Variants in ELOVL6 observed in about 807,000 individuals in gnomAD.
ELOVL6 encodes the protein ELOVL fatty acid elongase 6.
A neutral mutation model predicts 31.7 loss-of-function variants in ELOVL6; 8 were observed. The observed-to-expected ratio is 0.25, with a 90% CI of 0.15 to 0.45. The LOEUF (loss-of-function observed/expected upper bound fraction) is 0.45, where lower values mean the gene tolerates loss of function less well. ELOVL6 is among the 20% of genes least tolerant of loss of function. The pLI is 1.00. For synonymous variants in ELOVL6, 101 were observed against 117.7 expected (o/e 0.86, Z 0.92); for missense variants, 126 against 326.4 (o/e 0.39, Z 4.73).
intron 1 of ELOVL6, among the ~76,000 whole-genome samples, chr4:110,175,154 C>T (rs1223925857): frequency 2.0e-5 from 3 of 151,886 alleles, no homozygotes; most frequent in South Asian, 4.2e-4. Flanking sequence ...GAGGCTGAGG[C>T]GGGCAGATCA....
chr4:110,161,757 G>T (rs1258155717), intron 1 of ELOVL6, among the ~76,000 whole-genome samples: 2 of 152,112 alleles, frequency 1.3e-5, no homozygotes, highest in African/African-American at 4.8e-5. Flanking sequence ...CCATGTTAAG[G>T]AATCAACAAT....
At chr4:110,084,157 CA>C (rs1756055624) in intron 2 of ELOVL6, among the ~76,000 whole-genome samples, 1 of 91,686 alleles carries the variant, frequency 1.1e-5, no homozygotes, top group African/African-American at 7.5e-5. Context: ...ATATATATAA[CA>C]TATATGTGAT....
intron 1 of ELOVL6, among the ~76,000 whole-genome samples, chr4:110,120,422 A>G (rs1301625626): frequency 6.6e-6 from 1 of 151,850 alleles, no homozygotes; most frequent in Non-Finnish European, 1.5e-5. Flanking sequence ...TTTTTGATCA[A>G]TTTGAGGAAT....
At chr4:110,084,075 GCT>G (rs1491508370) in intron 2 of ELOVL6, among the ~76,000 whole-genome samples, 4 of 54,844 alleles carry the variant, frequency 7.3e-5, no homozygotes, top group South Asian at 6.1e-4. Flanking sequence ...ACATATATAT[GCT>G]ATATATGATA....
At chr4:110,142,129 G>A (rs890817972) in intron 1 of ELOVL6, among the ~76,000 whole-genome samples, 1 of 141,778 alleles carries the variant, frequency 7.1e-6, no homozygotes, top group African/African-American at 2.7e-5. Flanking sequence ...GGAGTGCAGT[G>A]GTGTGATCTC....
At chr4:110,174,164 C>CTT (rs1332367998) in intron 1 of ELOVL6, among the ~76,000 whole-genome samples, 89 of 133,602 alleles carry the variant, frequency 6.7e-4, no homozygotes, top group African/African-American at 2.3e-3. Flanking sequence ...GAAAGACAGT[C>CTT]TTTTTTTTTT....
intron 2 of ELOVL6, among the ~76,000 whole-genome samples, chr4:110,076,985 T>C (rs1378809010): frequency 1.3e-5 from 2 of 152,162 alleles, no homozygotes; most frequent in South Asian, 2.1e-4. Flanking sequence ...GCCTCGCTCA[T>C]TGCTAGCACA....
chr4:110,155,748 C>T (rs1340235453), intron 1 of ELOVL6, among the ~76,000 whole-genome samples: 1 of 152,114 alleles, frequency 6.6e-6, no homozygotes, highest in Non-Finnish European at 1.5e-5. Flanking sequence ...AGATCAACAA[C>T]CTCCTCGTAT....
chr4:110,097,959 G>A (rs1426141224), intron 2 of ELOVL6, among the ~76,000 whole-genome samples: 1 of 152,134 alleles, frequency 6.6e-6, no homozygotes, highest in Admixed American at 6.5e-5. Context: ...AGGGAGTTAC[G>A]AAGTATTGGT....
At chr4:110,063,231 T>C (rs1755195569) in intron 2 of ELOVL6, among the ~76,000 whole-genome samples, 1 of 152,210 alleles carries the variant, frequency 6.6e-6, no homozygotes, top group Non-Finnish European at 1.5e-5. Context: ...AATTTTTATT[T>C]ATATAGATAT....
intron 2 of ELOVL6, among the ~76,000 whole-genome samples, chr4:110,099,742 T>C (rs1756687115): frequency 6.6e-6 from 1 of 152,178 alleles, no homozygotes; most frequent in African/African-American, 2.4e-5. Flanking sequence ...AGAGGCTCCT[T>C]GAATCAGAAG....
chr4:110,174,962 A>G (rs576499307), intron 1 of ELOVL6, among the ~76,000 whole-genome samples: 94 of 152,162 alleles, frequency 6.2e-4, no homozygotes, highest in African/African-American at 2.2e-3. Flanking sequence ...ATCTAATTTT[A>G]CGGACCAAAT....
At chr4:110,148,869 GTTTTA>G (rs901995397) in intron 1 of ELOVL6, among the ~76,000 whole-genome samples, 3 of 152,098 alleles carry the variant, frequency 2.0e-5, no homozygotes, top group African/African-American at 4.8e-5. Flanking sequence ...TTTTTGTTCT[GTTTTA>G]TTTTGAGACA....
chr4:110,140,845 T>C (rs928220786), intron 1 of ELOVL6, among the ~76,000 whole-genome samples: 3 of 152,010 alleles, frequency 2.0e-5, no homozygotes, highest in African/African-American at 7.2e-5. Context: ...ATTGTGCATA[T>C]TCTTTTATTA....
intron 1 of ELOVL6, among the ~76,000 whole-genome samples, chr4:110,159,988 A>G (rs1758583547): frequency 6.6e-6 from 1 of 152,054 alleles, no homozygotes; most frequent in African/African-American, 2.4e-5. Context: ...TATTTTTCTT[A>G]TGGATTGGTA....
intron 2 of ELOVL6, among the ~76,000 whole-genome samples, chr4:110,068,552 C>T (rs1310520256): frequency 1.3e-5 from 2 of 152,112 alleles, no homozygotes; most frequent in Non-Finnish European, 2.9e-5. Flanking sequence ...CAGTTGGCTT[C>T]GATTCACTTT....
At chr4:110,193,965 G>C (rs1759700749) in intron 1 of ELOVL6, among the ~76,000 whole-genome samples, 1 of 152,122 alleles carries the variant, frequency 6.6e-6, no homozygotes, top group Non-Finnish European at 1.5e-5. Context: ...CCTATTGGTG[G>C]GCACCGTGTC....
intron 1 of ELOVL6, chr4:110,147,296 A>C (rs13141364): frequency 6.7e-6 from 1 of 149,790 alleles, no homozygotes; most frequent in Non-Finnish European, 1.4e-5. Flanking sequence ...AAAAAAAAAA[A>C]GAAAAAAGGA....
rs865924232 is a variant in ELOVL6, at chr4:110,084,528, A to C, written c.221+20969T>G. 1.6e-3 allele frequency among the ~76,000 whole-genome samples: 150 copies of C among 92,612 alleles called. 1 individual carries two copies. Among genetic ancestry groups the C allele is most frequent in the African/African-American group, 9.7e-3 (145 of 14,984 alleles). 60.8% of individuals were successfully genotyped at this position (92,612 alleles called of 152,430 possible). ...TCATATATGTGTATACATTATATAC[A>C]CTTACACACACACACACACACACAC... On this transcript the variant is annotated intron_variant, in intron 2 of 3. Transcript: ENST00000302274.
Sources: allele counts gnomAD v4.1 joint callset (sites outside exome capture counted in the v4.1 genomes callset), GRCh38; gene constraint gnomAD v4.1.1; transcripts MANE v1.5; gene names NCBI Gene and HGNC (gene_info 2026-07-23, HGNC 2026-07-21).